The following PCDH17 variants were observed in gnomAD, a reference collection of about 807,000 sequenced individuals.
PCDH17 encodes the protein protocadherin-17.
Under a neutral mutation model 67.7 loss-of-function variants are expected in PCDH17, and 21 were observed. That is an observed-to-expected ratio of 0.31 (90% confidence interval 0.22 to 0.45). PCDH17 has a LOEUF of 0.45. Ranked by LOEUF, PCDH17 falls within the 20% of genes least tolerant of loss-of-function variation. PCDH17 has a pLI of 1.00. For synonymous variants in PCDH17, 701 were observed against 656.7 expected, an observed-to-expected ratio of 1.07 and a Z score of -1.03; for missense variants, 1,471 against 1,564.8, an observed-to-expected ratio of 0.94 and a Z score of 1.01.
intron 1 of PCDH17, among the ~76,000 whole-genome samples, chr13:57,654,846 C>T (rs1228720241): frequency 6.6e-6 from 1 of 151,682 alleles, no homozygotes; most frequent in Non-Finnish European, 1.5e-5. Context: ...AAATCTAATA[C>T]TCATTAATTT....
chr13:57,705,328 A>G (rs887799982), intron 3 of PCDH17, among the ~76,000 whole-genome samples: 1 of 152,054 alleles, frequency 6.6e-6, no homozygotes, highest in Non-Finnish European at 1.5e-5. Context: ...AATATTTTTA[A>G]TGTTTAAGTT....
At chr13:57,685,764 C>T (rs548020086) in intron 3 of PCDH17, among the ~76,000 whole-genome samples, 9 of 151,800 alleles carry the variant, frequency 5.9e-5, no homozygotes, top group East Asian at 2.0e-4. Context: ...AAAGGACATA[C>T]GGTAATAACT....
At chr13:57,666,388 T>C (rs146439805) in intron 1 of PCDH17, 80 bp from the exon 2 acceptor site, 3 of 1,061,950 alleles carry the variant, frequency 2.8e-6, no homozygotes, top group South Asian at 1.3e-5. Context: ...TTAATCATTT[T>C]TCCACTAGGA....
intron 3 of PCDH17, among the ~76,000 whole-genome samples, chr13:57,699,589 T>G (rs1955643587): frequency 6.6e-6 from 1 of 152,000 alleles, no homozygotes; most frequent in Admixed American, 6.6e-5. Context: ...TAAGATTCTT[T>G]TTTTTTACAA....
In PCDH17 at chr13:57,725,258, C is replaced by T. The variant is rs1955905762; in HGVS notation, c.3444C>T (p.Asp1148=). ...GAGAAATTGATAAGCTTTTGCAAGA[C>T]TGCCGGGGAAACGACCCTGTGGCTG... ...VVREIDKLLQ[D]CRGNDPVAVR... The change falls in exon 4 of 4, where the codon GAC becomes GAT. Residue 1148 remains aspartate (D), a synonymous_variant. Coordinates refer to ENST00000377918, the MANE Select transcript of PCDH17 (RefSeq NM_001040429.3). 1 of 1,612,010 alleles carries T rather than the reference C, an allele frequency of 6.2e-7. No homozygotes were observed. The highest frequency in any genetic ancestry group is 1.1e-5 in the South Asian group (1 of 91,006).
At chr13:57,688,425 T>A (rs1369269723) in intron 3 of PCDH17, among the ~76,000 whole-genome samples, 7 of 152,170 alleles carry the variant, frequency 4.6e-5, no homozygotes, top group Admixed American at 3.3e-4. Flanking sequence ...ACAATTGACA[T>A]AATTGACACA....
At chr13:57,709,184 C>T (rs1487832906) in intron 3 of PCDH17, among the ~76,000 whole-genome samples, 1 of 151,280 alleles carries the variant, frequency 6.6e-6, no homozygotes, top group Non-Finnish European at 1.5e-5. Context: ...GGCTAAATTA[C>T]AAATAGTGTC....
Position 57,724,881 on chromosome 13 carries a change from C to T in PCDH17, c.3067C>T (p.Arg1023Cys), listed in dbSNP as rs769609901. The part of the protein sequence containing the change: ...ANVKPYLKAK[R>C]ALSPLLQEVP... ...CGTTAAACCTTATTTAAAAGCCAAACGTGCCCTGAGCCCTCTCCTCCAAGA... is the reference window on the plus strand; with the variant it reads ...CGTTAAACCTTATTTAAAAGCCAAATGTGCCCTGAGCCCTCTCCTCCAAGA... Residue 1023 changes from arginine (R) to cysteine (C), a missense_variant, in exon 4 of 4, where the codon CGT becomes TGT. Transcript: ENST00000377918. 2 of 1,614,204 alleles carry T rather than the reference C, an allele frequency of 1.2e-6. No homozygotes were observed. The highest frequency in any genetic ancestry group is 1.7e-6 in the Non-Finnish European group (2 of 1,180,020).
At chr13:57,696,602 A>G (rs9537779) in intron 3 of PCDH17, among the ~76,000 whole-genome samples, 26,556 of 151,324 alleles carry the variant, frequency 0.18, 3,175 homozygotes, top group Middle Eastern at 0.33. Flanking sequence ...CTTATATGGT[A>G]TCCATTAAAA....
chr13:57,706,340 T>A (rs1955721290), intron 3 of PCDH17, among the ~76,000 whole-genome samples: 1 of 152,140 alleles, frequency 6.6e-6, no homozygotes, highest in East Asian at 1.9e-4. Context: ...TTTAATTTTG[T>A]CATTTCAGTC....
chr13:57,714,090 A>T (rs2138093200), intron 3 of PCDH17, among the ~76,000 whole-genome samples: 1 of 151,764 alleles, frequency 6.6e-6, no homozygotes, highest in Admixed American at 6.6e-5. Flanking sequence ...AACATTCTTT[A>T]AAAATCTATC....
At chr13:57,703,240 C>A (rs2138078343) in intron 3 of PCDH17, among the ~76,000 whole-genome samples, 1 of 152,124 alleles carries the variant, frequency 6.6e-6, no homozygotes, top group East Asian at 1.9e-4. Context: ...GCTTTTAGGC[C>A]TAACAAGCAC....
intron 3 of PCDH17, among the ~76,000 whole-genome samples, chr13:57,716,323 C>G (rs1593949400): frequency 6.6e-6 from 1 of 151,928 alleles, no homozygotes; most frequent in Non-Finnish European, 1.5e-5. Context: ...TTACTTAGAA[C>G]TTTTCCATTC....
intron 3 of PCDH17, among the ~76,000 whole-genome samples, chr13:57,675,297 T>C (rs939252320): frequency 6.6e-6 from 1 of 151,940 alleles, no homozygotes; most frequent in Non-Finnish European, 1.5e-5. Context: ...TTGTTGCTCA[T>C]TGATTCTTTC....
intron 1 of PCDH17, among the ~76,000 whole-genome samples, chr13:57,641,273 C>T (rs901295870): frequency 1.3e-5 from 2 of 151,384 alleles, no homozygotes; most frequent in East Asian, 1.9e-4. Context: ...TGATATACTG[C>T]GATCTTTGGT....
intron 1 of PCDH17, among the ~76,000 whole-genome samples, chr13:57,658,443 T>G (rs528021890): frequency 1.3e-5 from 2 of 152,332 alleles, no homozygotes; most frequent in East Asian, 1.9e-4. Flanking sequence ...TTAATATTTC[T>G]GATCGATTTT....
intron 3 of PCDH17, among the ~76,000 whole-genome samples, chr13:57,698,633 G>A (rs187849519): frequency 6.6e-6 from 1 of 151,766 alleles, no homozygotes; most frequent in African/African-American, 2.4e-5. Flanking sequence ...CTATTCCGCA[G>A]AAATCATTGA....
intron 3 of PCDH17, among the ~76,000 whole-genome samples, chr13:57,686,197 T>C (rs761171142): frequency 6.6e-5 from 10 of 151,984 alleles, no homozygotes; most frequent in Non-Finnish European, 1.3e-4. Context: ...ATGTCAATAA[T>C]AGAGCCAACT....
intron 3 of PCDH17, among the ~76,000 whole-genome samples, chr13:57,722,025 C>T (rs1312076726): frequency 6.6e-6 from 1 of 152,104 alleles, no homozygotes; most frequent in Non-Finnish European, 1.5e-5. Context: ...TGAACTGCTG[C>T]CATCAAAATT....
Sources: gnomAD v4.1 joint callset for allele counts (sites outside exome capture counted in the v4.1 genomes callset) on GRCh38, gnomAD v4.1.1 for gene constraint, MANE v1.5 for transcripts, NCBI Gene and HGNC (gene_info 2026-07-23, HGNC 2026-07-21) for gene names.